TENM4: variants seen among roughly 807,000 people sequenced by gnomAD.
The protein encoded by TENM4 is teneurin transmembrane protein 4, also known as teneurin-4.
Under a neutral mutation model 243.3 loss-of-function variants are expected in TENM4, and 82 were observed. The ratio of observed to expected loss-of-function variants is 0.34; its 90% CI spans 0.28 to 0.40. TENM4 has a LOEUF of 0.40. TENM4 is among the 10% of genes least tolerant of loss of function. The probability of loss-of-function intolerance (pLI) is 1.00; values close to 1 mark genes in which losing one functional copy is unlikely to be tolerated. For missense variants in TENM4, 3,138 were observed against 3,673.3 expected (o/e 0.85, Z 3.77); for synonymous variants, 1,412 against 1,456.3 (o/e 0.97, Z 0.69).
rs544271662 is a variant in TENM4 at position 79,103,455 on chromosome 11, C to CA, written c.-65-33447_-65-33446insT. 2.9e-3 allele frequency among the ~76,000 whole-genome samples: 437 copies of CA among 152,154 alleles called. 6 individuals are homozygous for CA. Among genetic ancestry groups the CA allele is most frequent in the African/African-American group, 0.01 (422 of 41,506 alleles). The stretch of plus-strand genomic sequence containing the variant: ...GAAGACTCAGTCCACTGTTGTGGGC[C>CA]CACAGTGCATCCCCTTTAGGTGGAA... On this transcript the variant is annotated intron_variant, in intron 4 of 33. Coordinates refer to ENST00000278550, the MANE Select transcript of TENM4 (RefSeq NM_001098816.3).
chr11:78,998,890 C>T (rs1475473033), intron 6 of TENM4, among the ~76,000 whole-genome samples: 1 of 152,142 alleles, frequency 6.6e-6, no homozygotes, highest in African/African-American at 2.4e-5. Context: ...ATACTTCTGG[C>T]CAACCCTGAG....
At chr11:79,138,330 T>TATATATTA in intron 4 of TENM4, among the ~76,000 whole-genome samples, 1 of 116,572 alleles carries the variant, frequency 8.6e-6, no homozygotes, top group African/African-American at 3.6e-5. Flanking sequence ...TATATATATA[T>TATATATTA]TATATATATA....
intron 2 of TENM4, among the ~76,000 whole-genome samples, chr11:79,235,077 G>T (rs1219523754): frequency 6.6e-6 from 1 of 152,152 alleles, no homozygotes; most frequent in Non-Finnish European, 1.5e-5. Flanking sequence ...ACTTTGGGAG[G>T]CTGAGGCGGG....
chr11:78,960,971 G>A (rs1857308407), intron 6 of TENM4, among the ~76,000 whole-genome samples: 1 of 152,176 alleles, frequency 6.6e-6, no homozygotes, highest in South Asian at 2.1e-4. Flanking sequence ...ATCATGAGGT[G>A]GGCACTACAA....
chr11:79,326,891 C>T (rs1422530197), intron 1 of TENM4, among the ~76,000 whole-genome samples: 2 of 152,124 alleles, frequency 1.3e-5, no homozygotes, highest in Admixed American at 1.3e-4. Flanking sequence ...TATCTATTCA[C>T]CATTATATAA....
At chr11:79,291,258 G>C (rs1856352064) in intron 2 of TENM4, among the ~76,000 whole-genome samples, 1 of 152,238 alleles carries the variant, frequency 6.6e-6, no homozygotes, top group Admixed American at 6.5e-5. Flanking sequence ...CTGTGTAGCA[G>C]TGGCTTGAAG....
rs67697266 is a variant in TENM4 at position 79,423,535 on chromosome 11, A to ATT, written c.-321+16972_-321+16973dup. 6.9e-3 allele frequency among the ~76,000 whole-genome samples: 790 copies of ATT among 113,962 alleles called. 9 individuals carry two copies. Among genetic ancestry groups the ATT allele is most frequent in the African/African-American group, 0.011 (343 of 30,532 alleles). 74.8% of individuals were successfully genotyped at this position (113,962 alleles called of 152,430 possible). On this transcript the variant is annotated intron_variant, in intron 1 of 33. Transcript: ENST00000278550. The stretch of plus-strand genomic sequence containing the variant: ...GCCAGCTCTGAATGCTTACAAGTGC[A>ATT]TTTTTTTTTTTTTTTTTTTTTTTGC...
At chr11:78,796,581 T>C (rs1204098018) in intron 15 of TENM4, among the ~76,000 whole-genome samples, 1 of 152,118 alleles carries the variant, frequency 6.6e-6, no homozygotes, top group Non-Finnish European at 1.5e-5. Flanking sequence ...TCCAACTGTA[T>C]GCTGACAATA....
intron 6 of TENM4, among the ~76,000 whole-genome samples, chr11:78,967,717 G>A (rs982772931): frequency 3.3e-5 from 5 of 152,160 alleles, no homozygotes; most frequent in Non-Finnish European, 7.3e-5. Flanking sequence ...CAGCTGAAGG[G>A]AACCTGGCAT....
At chr11:79,212,958 G>C (rs1226044859) in intron 3 of TENM4, among the ~76,000 whole-genome samples, 1 of 152,140 alleles carries the variant, frequency 6.6e-6, no homozygotes, top group African/African-American at 2.4e-5. Flanking sequence ...TGGTCCACTG[G>C]GCTCGAGACA....
intron 1 of TENM4, among the ~76,000 whole-genome samples, chr11:79,381,151 CTTGCTTTT>C (rs1189929927): frequency 6.6e-6 from 1 of 152,232 alleles, no homozygotes; most frequent in African/African-American, 2.4e-5. Context: ...GCTACACCAG[CTTGCTTTT>C]TTCCTTGGCA....
At chr11:78,974,144 T>C (rs1857601640) in intron 6 of TENM4, among the ~76,000 whole-genome samples, 1 of 152,182 alleles carries the variant, frequency 6.6e-6, no homozygotes, top group Non-Finnish European at 1.5e-5. Context: ...TGTTGGCAAG[T>C]TCCCTGAGGG....
chr11:78,773,320 T>C (rs1856678081), intron 17 of TENM4, among the ~76,000 whole-genome samples: 1 of 152,230 alleles, frequency 6.6e-6, no homozygotes, highest in South Asian at 2.1e-4. Flanking sequence ...CTCAGGCATG[T>C]TATTGAATTT....
At chr11:79,122,138 T>G (rs995512230) in intron 4 of TENM4, among the ~76,000 whole-genome samples, 1 of 152,184 alleles carries the variant, frequency 6.6e-6, no homozygotes, top group Non-Finnish European at 1.5e-5. Flanking sequence ...CCTTTCTTCC[T>G]ACAGTGGGCC....
At chr11:78,857,008 C>T (rs1310491676) in intron 10 of TENM4, among the ~76,000 whole-genome samples, 1 of 152,110 alleles carries the variant, frequency 6.6e-6, no homozygotes, top group Admixed American at 6.6e-5. Flanking sequence ...TCTCTGGGGG[C>T]ACCACAAATG....
intron 3 of TENM4, among the ~76,000 whole-genome samples, chr11:79,199,641 G>C (rs1381989652): frequency 6.6e-6 from 1 of 152,140 alleles, no homozygotes; most frequent in African/African-American, 2.4e-5. Context: ...TGCAGTCCTG[G>C]GGCTGGACAG....
At chr11:78,996,872 G>C (rs1335061071) in intron 6 of TENM4, among the ~76,000 whole-genome samples, 1 of 152,172 alleles carries the variant, frequency 6.6e-6, no homozygotes, top group Non-Finnish European at 1.5e-5. Context: ...GTAAGGGCCG[G>C]GGCATGGTTC....
Position 79,069,881 on chromosome 11 carries a change from A to AGCGGGGCTCGGCGTC in TENM4, c.63_64insGACGCCGAGCCCCGC (p.Arg21_Tyr22insAspAlaGluProArg), listed in dbSNP as rs1259477738. 1 of 1,549,476 alleles carries AGCGGGGCTCGGCGTC rather than the reference A, an allele frequency of 6.5e-7. No homozygotes were observed. The highest frequency in any genetic ancestry group is 2.4e-5 in the East Asian group (1 of 40,906). On this transcript the variant is annotated inframe_insertion, in exon 5 of 34. Coordinates refer to ENST00000278550, the MANE Select transcript of TENM4 (RefSeq NM_001098816.3). Reference sequence around the variant, plus strand: ...TCGCTGTCCGCGGACGAGCTGGTGTAGCGGCGCTCGGCGTCGCGGCGCCGG... The same window carrying AGCGGGGCTCGGCGTC: ...TCGCTGTCCGCGGACGAGCTGGTGTAGCGGGGCTCGGCGTCGCGGCGCTCGGCGTCGCGGCGCCGG...
At chr11:79,401,481 T>G (rs983408015) in intron 1 of TENM4, among the ~76,000 whole-genome samples, 1 of 152,224 alleles carries the variant, frequency 6.6e-6, no homozygotes, top group Admixed American at 6.5e-5. Flanking sequence ...TCAATCATTT[T>G]TATTAGGCAT....
Sources: gnomAD v4.1 joint callset for allele counts (sites outside exome capture counted in the v4.1 genomes callset) on GRCh38, gnomAD v4.1.1 for gene constraint, MANE v1.5 for transcripts, NCBI Gene and HGNC (gene_info 2026-07-23, HGNC 2026-07-21) for gene names.